Variants in PCDHA1 observed in about 807,000 individuals in gnomAD.
PCDHA1 encodes the protein protocadherin alpha-1.
A neutral mutation model predicts 61.3 loss-of-function variants in PCDHA1; 42 were observed. The ratio of observed to expected loss-of-function variants is 0.69; its 90% CI spans 0.54 to 0.89. The LOEUF is 0.89. PCDHA1 is among the 40% of genes least tolerant of loss of function. PCDHA1 has a pLI of 0.00. For missense variants in PCDHA1, 1,256 were observed against 1,235.3 expected (o/e 1.02, Z -0.25); for synonymous variants, 610 against 553.8 (o/e 1.10, Z -1.43).
chr5:140,951,333 G>A (rs922078825), intron 1 of PCDHA1, among the ~76,000 whole-genome samples: 1 of 151,964 alleles, frequency 6.6e-6, no homozygotes, highest in African/African-American at 2.4e-5. Flanking sequence ...TCATCATTCT[G>A]TTTGTGTTAG....
intron 1 of PCDHA1, chr5:140,929,690 C>T (rs921103809): frequency 1.4e-5 from 4 of 278,364 alleles, no homozygotes; most frequent in Non-Finnish European, 2.8e-5. Context: ...TAAGAGTCTG[C>T]TTTATATGAA....
intron 1 of PCDHA1, among the ~76,000 whole-genome samples, chr5:140,792,459 T>C (rs1202340575): frequency 1.3e-5 from 2 of 152,182 alleles, no homozygotes; most frequent in Admixed American, 6.5e-5. Context: ...AGATATCAAG[T>C]GCAGTGGGAG....
At chr5:140,877,987 CT>C (rs2057428803) in intron 1 of PCDHA1, 14 of 1,151,184 alleles carry the variant, frequency 1.2e-5, no homozygotes, top group Non-Finnish European at 1.6e-5. Context: ...TCATTTTGAA[CT>C]TTTATGTATT....
chr5:140,923,333 T>C lies in PCDHA1; in HGVS notation c.2395-55616T>C, dbSNP rs180734722. Among the ~76,000 whole-genome samples the C allele has an allele frequency of 8.0e-3, 1,225 of 152,228 alleles. 6 individuals are homozygous for C. The highest frequency in any genetic ancestry group is 0.019 in the African/African-American group (792 of 41,544). On this transcript the variant is annotated intron_variant, in intron 1 of 3. Coordinates refer to ENST00000504120, the MANE Select transcript of PCDHA1 (RefSeq NM_018900.4). ...CTTGGCCTAGAAGTTCAAGGACAGT[T>C]TGGGCAACATAGTGGGACCCTATCT...
At chr5:140,924,732 T>TA (rs1333846222) in intron 1 of PCDHA1, among the ~76,000 whole-genome samples, 2 of 151,706 alleles carry the variant, frequency 1.3e-5, no homozygotes, top group African/African-American at 4.8e-5. Flanking sequence ...TCACCTCTAA[T>TA]AAAAATACAA....
At chr5:140,923,839 A>G (rs2081544977) in intron 1 of PCDHA1, among the ~76,000 whole-genome samples, 1 of 152,236 alleles carries the variant, frequency 6.6e-6, no homozygotes, top group Non-Finnish European at 1.5e-5. Flanking sequence ...CAGTTTAAAT[A>G]GAGAAATGGG....
intron 3 of PCDHA1, among the ~76,000 whole-genome samples, chr5:141,000,419 A>ATTTT (rs1563652468): frequency 3.0e-4 from 18 of 60,988 alleles, no homozygotes; most frequent in East Asian, 5.4e-4. Context: ...ATATATATAT[A>ATTTT]TATTTTTTTT....
At chr5:140,958,578 A>G (rs2095431763) in intron 1 of PCDHA1, among the ~76,000 whole-genome samples, 1 of 152,206 alleles carries the variant, frequency 6.6e-6, no homozygotes, top group Non-Finnish European at 1.5e-5. Context: ...TGAGATTTTA[A>G]ATGAGCTTAT....
At chr5:140,843,397 G>T in intron 1 of PCDHA1, 1 of 1,596,068 alleles carries the variant, frequency 6.3e-7, no homozygotes, top group Non-Finnish European at 8.6e-7. Context: ...CGGAAGCGGC[G>T]CTGGTGGATG....
intron 1 of PCDHA1, chr5:140,797,142 A>G: frequency 6.2e-7 from 1 of 1,613,904 alleles, no homozygotes; most frequent in South Asian, 1.1e-5. Flanking sequence ...GCTCGGTGCC[A>G]CCCACCGAGG....
At chr5:141,009,538 C>T (rs1159631714) in intron 3 of PCDHA1, 89 bp from the exon 4 acceptor site, 11 of 1,522,362 alleles carry the variant, frequency 7.2e-6, no homozygotes, top group African/African-American at 1.4e-5. Context: ...GTTCAGCCTG[C>T]CTATGCAGTA....
chr5:140,840,493 T>C (rs2150307373), intron 1 of PCDHA1, among the ~76,000 whole-genome samples: 1 of 152,054 alleles, frequency 6.6e-6, no homozygotes, highest in Non-Finnish European at 1.5e-5. Context: ...ATAATTCTGG[T>C]AAATACTCAC....
intron 1 of PCDHA1, chr5:140,829,434 T>C: frequency 6.2e-7 from 1 of 1,613,976 alleles, no homozygotes. Flanking sequence ...GTGGCCGACA[T>C]GAATGACAAT....
intron 1 of PCDHA1, among the ~76,000 whole-genome samples, chr5:140,902,660 C>A (rs1322922634): frequency 1.3e-5 from 2 of 152,116 alleles, no homozygotes; most frequent in Non-Finnish European, 2.9e-5. Flanking sequence ...GCACCTGTCA[C>A]CCAAGCAGTG....
At chr5:140,852,795 A>C in intron 1 of PCDHA1, 1 of 977,366 alleles carries the variant, frequency 1.0e-6, no homozygotes, top group African/African-American at 1.8e-5. Context: ...GATGCTACAG[A>C]TGTCATTTGT....
rs2150440873 is a variant in PCDHA1, at chr5:140,849,570, G to C, written c.2394+60886G>C. The C allele has an allele frequency of 3.3e-4, 531 of 1,598,560 alleles. 47 individuals carry two copies. Among genetic ancestry groups the C allele is most frequent in the Non-Finnish European group, 4.4e-4 (516 of 1,167,980 alleles). On this transcript the variant is annotated intron_variant, in intron 1 of 3. Coordinates refer to ENST00000504120, the MANE Select transcript of PCDHA1 (RefSeq NM_018900.4). ...GACTATCAAAACGCTCTCGGTTCCTGTAAAAGAGGACGCACAACTGGGGAC... is the reference window on the plus strand; with the variant it reads ...GACTATCAAAACGCTCTCGGTTCCTCTAAAAGAGGACGCACAACTGGGGAC...
At chr5:140,848,597 C>A (rs151001396) in intron 1 of PCDHA1, 1 of 1,580,556 alleles carries the variant, frequency 6.3e-7, no homozygotes, top group Non-Finnish European at 8.7e-7. Context: ...TCCACTACTC[C>A]GTCCCGGAGG....
chr5:141,009,580 G>A (rs1554262213), intron 3 of PCDHA1, 47 bp from the exon 4 acceptor site: 1 of 1,588,170 alleles, frequency 6.3e-7, no homozygotes, highest in South Asian at 1.2e-5. Flanking sequence ...GTGGCATCAA[G>A]AGCATGTGTT....
At chr5:140,901,433 A>G (rs1472475784) in intron 1 of PCDHA1, among the ~76,000 whole-genome samples, 2 of 152,104 alleles carry the variant, frequency 1.3e-5, no homozygotes, top group Non-Finnish European at 2.9e-5. Flanking sequence ...CTGCATATGG[A>G]TATCTAGTTT....
Sources: allele counts gnomAD v4.1 joint callset (sites outside exome capture counted in the v4.1 genomes callset), GRCh38; gene constraint gnomAD v4.1.1; transcripts MANE v1.5; gene names NCBI Gene and HGNC (gene_info 2026-07-23, HGNC 2026-07-21).